Variants in ARMC2 observed in about 807,000 individuals in gnomAD.
ARMC2 encodes the protein armadillo repeat-containing protein 2.
In ARMC2, 67 loss-of-function variants were observed where a neutral mutation model predicts 90.3. The ratio of observed to expected loss-of-function variants is 0.74; its 90% confidence interval spans 0.61 to 0.91. The LOEUF (loss-of-function observed/expected upper bound fraction) is 0.91, where lower values mean the gene tolerates loss of function less well. Among genes scored for constraint, ARMC2 ranks in the 40% least tolerant of loss-of-function variants. The probability of loss-of-function intolerance (pLI) is 0.00; values close to 1 mark genes in which losing one functional copy is unlikely to be tolerated. For missense variants in ARMC2, 920 were observed against 1,030.9 expected, an observed-to-expected ratio of 0.89 and a Z score of 1.47; for synonymous variants, 393 against 393.0, an observed-to-expected ratio of 1.00 and a Z score of 0.00.
In ARMC2 at chr6:108,964,963, G is replaced by A; in HGVS notation, c.2286-17G>A. The A allele has an allele frequency of 6.4e-7, 1 of 1,567,282 alleles. No homozygotes were observed. ...TTCTGACCTAATAACTTCTCAATTT[G>A]AATTTTATTAACTCAGGTTAGTGGA... On this transcript the variant is annotated splice_polypyrimidine_tract_variant and intron_variant, in intron 16 of 17. Transcript: ENST00000392644.
At chr6:108,975,231 C>T (rs1778962500), downstream of ARMC2, among the ~76,000 whole-genome samples, 1 of 152,056 alleles carries the variant, frequency 6.6e-6, no homozygotes, top group Admixed American at 6.6e-5. Flanking sequence ...GTTCAGCTCC[C>T]ACTTATGAAT....
chr6:108,906,100 A>T (rs1406362893), intron 8 of ARMC2, among the ~76,000 whole-genome samples: 2 of 152,236 alleles, frequency 1.3e-5, no homozygotes, highest in African/African-American at 4.8e-5. Context: ...ATTGGCAAAT[A>T]CTGGCAAATG....
At chr6:108,946,454 A>G (rs1290288788) in intron 12 of ARMC2, among the ~76,000 whole-genome samples, 1 of 152,144 alleles carries the variant, frequency 6.6e-6, no homozygotes, top group Non-Finnish European at 1.5e-5. Flanking sequence ...TCAGTGCCCT[A>G]TGGTCAGTTA....
intron 12 of ARMC2, among the ~76,000 whole-genome samples, chr6:108,938,825 C>T (rs149168726): frequency 6.6e-6 from 1 of 152,022 alleles, no homozygotes; most frequent in Non-Finnish European, 1.5e-5. Flanking sequence ...TCTAGCATTA[C>T]TAATAGATAC....
intron 2 of ARMC2, among the ~76,000 whole-genome samples, chr6:108,856,106 T>C (rs1299663760): frequency 6.6e-6 from 1 of 152,220 alleles, no homozygotes; most frequent in Non-Finnish European, 1.5e-5. Flanking sequence ...CTTTTGGTGT[T>C]GTATATTAAA....
At chr6:108,919,903 C>G (rs1338507916) in intron 10 of ARMC2, among the ~76,000 whole-genome samples, 1 of 152,132 alleles carries the variant, frequency 6.6e-6, no homozygotes, top group Non-Finnish European at 1.5e-5. Flanking sequence ...TGTCTGGCAC[C>G]TTTTTAAACT....
intron 5 of ARMC2, among the ~76,000 whole-genome samples, chr6:108,877,281 T>C (rs1777032550): frequency 6.6e-6 from 1 of 152,264 alleles, no homozygotes. Flanking sequence ...GACTTTGGCT[T>C]GGACACATGT....
intron 8 of ARMC2, among the ~76,000 whole-genome samples, chr6:108,907,208 C>G (rs1772832483): frequency 1.3e-5 from 2 of 151,836 alleles, no homozygotes; most frequent in Admixed American, 1.3e-4. Context: ...TTTCCTTTGC[C>G]ACTTTTTACT....
chr6:109,033,854 C>G, the ARMC2 span, among the ~76,000 whole-genome samples: 1 of 152,248 alleles, frequency 6.6e-6, no homozygotes, highest in East Asian at 1.9e-4. Context: ...TTGATTCCAG[C>G]CATGTTTCTG....
chr6:108,941,224 A>G (rs922638293), intron 12 of ARMC2, among the ~76,000 whole-genome samples: 4 of 152,188 alleles, frequency 2.6e-5, no homozygotes, highest in African/African-American at 9.7e-5. Flanking sequence ...AGCCAATTCC[A>G]TATTTCAAGT....
chr6:108,852,516 C>T (rs1774113804), intron 1 of ARMC2, among the ~76,000 whole-genome samples: 1 of 152,118 alleles, frequency 6.6e-6, no homozygotes, highest in African/African-American at 2.4e-5. Flanking sequence ...AGGTAATTCA[C>T]AGAATTTTTA....
chr6:108,978,171 T>C (rs1029680698), downstream of ARMC2, among the ~76,000 whole-genome samples: 2 of 152,240 alleles, frequency 1.3e-5, no homozygotes, highest in African/African-American at 4.8e-5. Flanking sequence ...CTGCTTTAAA[T>C]ATGTCCCAGA....
At chr6:108,903,659 T>G (rs1392365499) in intron 7 of ARMC2, among the ~76,000 whole-genome samples, 1 of 152,238 alleles carries the variant, frequency 6.6e-6, no homozygotes, top group Non-Finnish European at 1.5e-5. Context: ...TGACATCTAT[T>G]TGAGGGCACT....
At chr6:108,869,036 T>C (rs777132893) in intron 4 of ARMC2, 41 bp downstream of exon 4, 182 of 1,526,202 alleles carry the variant, frequency 1.2e-4, no homozygotes, top group Non-Finnish European at 1.5e-4. Context: ...GGGACAGGCA[T>C]GCTTCTTGAA....
the ARMC2 span, among the ~76,000 whole-genome samples, chr6:109,006,219 G>C: frequency 6.6e-6 from 1 of 152,238 alleles, no homozygotes; most frequent in Admixed American, 6.5e-5. Flanking sequence ...AAGAGTCTTA[G>C]ATTAATCCTT....
chr6:108,939,278 T>C (rs1776239944), intron 12 of ARMC2, among the ~76,000 whole-genome samples: 2 of 152,212 alleles, frequency 1.3e-5, no homozygotes, highest in Non-Finnish European at 2.9e-5. Flanking sequence ...CCTATTGATG[T>C]GGTTTGGATT....
the ARMC2 span, among the ~76,000 whole-genome samples, chr6:109,050,394 A>AG: frequency 6.6e-6 from 1 of 152,100 alleles, no homozygotes; most frequent in African/African-American, 2.4e-5. Context: ...TTGTTAAAAA[A>AG]AAAAAAAAAA....
At chr6:108,929,506 G>A (rs967959263) in intron 11 of ARMC2, among the ~76,000 whole-genome samples, 2 of 151,972 alleles carry the variant, frequency 1.3e-5, no homozygotes, top group Non-Finnish European at 2.9e-5. Context: ...ATGGGGTCTC[G>A]CTTTGTCACC....
chr6:108,987,601 A>G, the ARMC2 span: 1 of 1,601,948 alleles, frequency 6.2e-7, no homozygotes, highest in African/African-American at 1.3e-5. Context: ...CTTGCATCCT[A>G]GCTTCTATAA....
Sources: gnomAD v4.1 joint callset for allele counts (sites outside exome capture counted in the v4.1 genomes callset) on GRCh38, gnomAD v4.1.1 for gene constraint, MANE v1.5 for transcripts, NCBI Gene and HGNC (gene_info 2026-07-23, HGNC 2026-07-21) for gene names.